Variants in STARD6 observed in about 807,000 individuals in gnomAD.
The protein encoded by STARD6 is stAR-related lipid transfer protein 6.
STARD6 carries 21 observed loss-of-function variants against 22.3 expected under a neutral mutation model. That is an observed-to-expected ratio of 0.94 (90% CI 0.67 to 1.35). STARD6 has a LOEUF of 1.35. Among genes scored for constraint, STARD6 ranks in the 40% most tolerant of loss-of-function variants. The pLI is 0.00. For missense variants in STARD6, 269 were observed against 266.9 expected (o/e 1.01, Z -0.05); for synonymous variants, 80 against 88.1 (o/e 0.91, Z 0.52).
intron 3 of STARD6, 63 bp from the exon 4 acceptor site, chr18:54,354,166 A>C: frequency 9.1e-7 from 1 of 1,098,976 alleles, no homozygotes; most frequent in Non-Finnish European, 1.3e-6. Flanking sequence ...TGAAAATGAA[A>C]AACTAACAAA....
chr18:54,339,986 AT>A (rs936054536), intron 4 of STARD6, among the ~76,000 whole-genome samples: 4 of 152,324 alleles, frequency 2.6e-5, no homozygotes, highest in East Asian at 3.9e-4. Flanking sequence ...AATAAAAAAA[AT>A]AACAGCAGAT....
At chr18:54,352,288 G>C (rs189265528) in intron 4 of STARD6, among the ~76,000 whole-genome samples, 1 of 152,174 alleles carries the variant, frequency 6.6e-6, no homozygotes, top group Admixed American at 6.5e-5. Context: ...GGTATTGGCT[G>C]TAATATCTCC....
intron 7 of STARD6, 126 bp downstream of exon 7, chr18:54,329,221 G>T: frequency 3.1e-6 from 2 of 637,910 alleles, no homozygotes; most frequent in Non-Finnish European, 2.6e-6. Context: ...CATATTTAGG[G>T]GAAGTTTTTT....
chr18:54,326,246 G>GA (rs1568165056), intron 7 of STARD6, among the ~76,000 whole-genome samples: 1 of 148,738 alleles, frequency 6.7e-6, no homozygotes, highest in Non-Finnish European at 1.5e-5. Context: ...GGCTAGTTGA[G>GA]AAAAAATTCT....
At chr18:54,329,478 CA>C (rs969335633) in intron 6 of STARD6, 38 bp from the exon 7 acceptor site, 2 of 1,488,754 alleles carry the variant, frequency 1.3e-6, no homozygotes, top group Admixed American at 2.1e-5. Context: ...AACCTATTCA[CA>C]AAGAGGAAAA....
At chr18:54,329,024 A>G (rs1179662054) in intron 7 of STARD6, among the ~76,000 whole-genome samples, 1 of 152,106 alleles carries the variant, frequency 6.6e-6, no homozygotes, top group Non-Finnish European at 1.5e-5. Context: ...TTAATTCACA[A>G]AAGTTCCTTA....
At chr18:54,331,004 A>T (rs1004385286) in intron 6 of STARD6, among the ~76,000 whole-genome samples, 1 of 152,134 alleles carries the variant, frequency 6.6e-6, no homozygotes, top group African/African-American at 2.4e-5. Flanking sequence ...AATGTAGAGT[A>T]CTAAAGATAT....
At chr18:54,330,847 T>C (rs2088859422) in intron 6 of STARD6, among the ~76,000 whole-genome samples, 1 of 152,102 alleles carries the variant, frequency 6.6e-6, no homozygotes, top group South Asian at 2.1e-4. Context: ...TTTTATGTTG[T>C]AGGCAGTGAA....
chr18:54,354,647 A>G (rs1306854471), intron 2 of STARD6, 70 bp from the exon 3 acceptor site: 2 of 1,051,102 alleles, frequency 1.9e-6, no homozygotes, highest in Non-Finnish European at 1.4e-6. Flanking sequence ...GCTATCTTAC[A>G]TTTTAATATT....
chr18:54,324,718 C>A lies in STARD6; in HGVS notation c.637G>T (p.Gly213Ter). Residue 213 changes from glycine to a stop codon, truncating the protein, a stop_gained, in exon 8 of 8, where the codon GGA becomes TGA. Coordinates refer to ENST00000307844, the MANE Select transcript of STARD6 (RefSeq NM_139171.2). LOFTEE classifies it low-confidence loss of function (END_TRUNC). Reference protein sequence around the residue: ...IKAHRTPSRRGFHHNSHS With the variant: ...IKAHRTPSRR The stretch of plus-strand genomic sequence containing the variant: ...CATGAATGACTATTATGATGAAATC[C>A]ACGTCTTGATGGAGTTCTGTGTGCC... 6.2e-7 allele frequency: 1 copy of A among 1,612,686 alleles called. No individual in the cohort carries two copies. Among genetic ancestry groups the A allele is most frequent in the Admixed American group, 1.7e-5 (1 of 59,862 alleles).
chr18:54,355,711 A>G (rs1166970975), intron 2 of STARD6: 1 of 152,256 alleles, frequency 6.6e-6, no homozygotes, highest in Non-Finnish European at 1.5e-5. Context: ...GCCCAAAAGG[A>G]CTGAGACAGG....
intron 5 of STARD6, among the ~76,000 whole-genome samples, chr18:54,335,281 G>A (rs1021224888): frequency 1.4e-4 from 21 of 151,910 alleles, no homozygotes; most frequent in Admixed American, 1.2e-3. Context: ...TGCAACCTCC[G>A]CCTCCTTGGT....
chr18:54,354,780 C>CT (rs2089129748), intron 2 of STARD6, among the ~76,000 whole-genome samples: 1 of 152,188 alleles, frequency 6.6e-6, no homozygotes, highest in African/African-American at 2.4e-5. Flanking sequence ...AAAATCTAGA[C>CT]TTTGAAATCA....
chr18:54,325,587 G>A (rs547527036), intron 7 of STARD6, among the ~76,000 whole-genome samples: 1 of 150,380 alleles, frequency 6.6e-6, no homozygotes, highest in South Asian at 2.1e-4. Flanking sequence ...TTACTCTGTT[G>A]CCCAGGCTGG....
At position 54,348,755 on chromosome 18, in the gene STARD6, T is replaced by C. The variant is rs191601537; in HGVS notation, c.140+5299A>G. 4.2e-3 allele frequency among the ~76,000 whole-genome samples: 636 copies of C among 152,198 alleles called. 9 individuals carry two copies. The highest frequency in any genetic ancestry group is 0.015 in the African/African-American group (618 of 41,536). On this transcript the variant is annotated intron_variant, in intron 4 of 7. Transcript: ENST00000307844. ...TATGTGCTGGTAGGTCTGTATTTCA[T>C]CCCTTAAGAGCAGAAAGGAACGAAA...
At chr18:54,338,437 A>G (rs2088936596) in intron 4 of STARD6, among the ~76,000 whole-genome samples, 11 of 152,190 alleles carry the variant, frequency 7.2e-5, no homozygotes. Flanking sequence ...AGGCCAGGCT[A>G]AAAGATAACC....
intron 4 of STARD6, among the ~76,000 whole-genome samples, chr18:54,350,900 T>C (rs553502036): frequency 3.5e-4 from 54 of 152,346 alleles, no homozygotes; most frequent in African/African-American, 1.2e-3. Flanking sequence ...TAGAATAGTT[T>C]GAAGTTGGGT....
intron 1 of STARD6, chr18:54,357,090 C>CA (rs1425756393): frequency 7.9e-5 from 12 of 152,256 alleles, no homozygotes; most frequent in African/African-American, 2.7e-4. Flanking sequence ...GGAACATATT[C>CA]AGATGGACTC....
At chr18:54,335,777 CT>C (rs1343294221) in intron 5 of STARD6, among the ~76,000 whole-genome samples, 1 of 152,106 alleles carries the variant, frequency 6.6e-6, no homozygotes, top group Non-Finnish European at 1.5e-5. Context: ...TCCCTCTCTC[CT>C]GTTCTGCCAT....
Sources: allele counts gnomAD v4.1 joint callset (sites outside exome capture counted in the v4.1 genomes callset), GRCh38; gene constraint gnomAD v4.1.1; transcripts MANE v1.5; gene names NCBI Gene and HGNC (gene_info 2026-07-23, HGNC 2026-07-21).